The following ATXN1 variants were observed in gnomAD, a reference collection of about 807,000 sequenced individuals.
ATXN1 encodes the protein ataxin-1.
A neutral mutation model predicts 56.4 loss-of-function variants in ATXN1; 8 were observed. That is an observed-to-expected ratio of 0.14 (90% CI 0.08 to 0.26). The LOEUF (loss-of-function observed/expected upper bound fraction) is 0.26. Ranked by LOEUF, ATXN1 falls within the 10% of genes least tolerant of loss-of-function variation. ATXN1 has a pLI of 1.00. For missense variants in ATXN1, 987 were observed against 1,106.5 expected (o/e 0.89, Z 1.53); for synonymous variants, 514 against 494.6 (o/e 1.04, Z -0.52).
chr6:16,400,148 T>A (rs1216863802), intron 6 of ATXN1, among the ~76,000 whole-genome samples: 1 of 152,190 alleles, frequency 6.6e-6, no homozygotes, highest in Admixed American at 6.5e-5. Context: ...CTCTCACCTA[T>A]CCTTAGGTCT....
intron 2 of ATXN1, among the ~76,000 whole-genome samples, chr6:16,710,020 A>C (rs896112792): frequency 6.6e-6 from 1 of 152,182 alleles, no homozygotes; most frequent in East Asian, 1.9e-4. Context: ...AAAACAAACA[A>C]ACACAAATTC....
chr6:16,692,154 G>T (rs1219027365), intron 2 of ATXN1, among the ~76,000 whole-genome samples: 2 of 152,218 alleles, frequency 1.3e-5, no homozygotes, highest in East Asian at 3.9e-4. Flanking sequence ...TACTCAGGAG[G>T]CTGAGACAGT....
At chr6:16,578,390 C>T (rs368327789) in intron 4 of ATXN1, among the ~76,000 whole-genome samples, 27 of 152,346 alleles carry the variant, frequency 1.8e-4, no homozygotes, top group Admixed American at 9.8e-4. Flanking sequence ...ACGACTTCCA[C>T]GCTCATATCC....
intron 2 of ATXN1, among the ~76,000 whole-genome samples, chr6:16,687,805 A>G (rs1758950956): frequency 6.6e-6 from 1 of 152,146 alleles, no homozygotes; most frequent in African/African-American, 2.4e-5. Context: ...CCTTTATCAT[A>G]CCTAACTTTA....
At chr6:16,530,676 A>T (rs1761486626) in intron 4 of ATXN1, among the ~76,000 whole-genome samples, 1 of 152,202 alleles carries the variant, frequency 6.6e-6, no homozygotes, top group African/African-American at 2.4e-5. Flanking sequence ...CTGGTGACAA[A>T]ATAATCTGTA....
intron 4 of ATXN1, among the ~76,000 whole-genome samples, chr6:16,557,340 A>C (rs945529906): frequency 1.3e-5 from 2 of 151,716 alleles, no homozygotes; most frequent in South Asian, 2.1e-4. Flanking sequence ...AAAAAAAAAA[A>C]AAAAAACAAA....
intron 4 of ATXN1, among the ~76,000 whole-genome samples, chr6:16,561,602 A>C (rs1156334493): frequency 6.6e-6 from 1 of 152,246 alleles, no homozygotes; most frequent in Non-Finnish European, 1.5e-5. Flanking sequence ...TCAACAAATA[A>C]TTTGAAAACC....
chr6:16,571,013 G>A (rs956147128), intron 4 of ATXN1, among the ~76,000 whole-genome samples: 3 of 152,126 alleles, frequency 2.0e-5, no homozygotes, highest in African/African-American at 7.2e-5. Context: ...GACAAAGCAT[G>A]GCCTGATTTC....
chr6:16,576,135 C>T (rs1275613462), intron 4 of ATXN1, among the ~76,000 whole-genome samples: 2 of 151,974 alleles, frequency 1.3e-5, no homozygotes, highest in Non-Finnish European at 2.9e-5. Context: ...TTGTCTTAAT[C>T]CAGTCTTCAA....
At chr6:16,352,395 G>C (rs897668867) in intron 6 of ATXN1, among the ~76,000 whole-genome samples, 1 of 152,138 alleles carries the variant, frequency 6.6e-6, no homozygotes, top group Non-Finnish European at 1.5e-5. Context: ...AGATGGGTGG[G>C]TTTTGTTTTC....
chr6:16,305,134 A>C lies in ATXN1; in HGVS notation c.*1195T>G, dbSNP rs1166415188. The C allele has an allele frequency of 6.5e-6, 1 of 152,672 alleles. No homozygotes were observed. Among genetic ancestry groups the C allele is most frequent in the East Asian group, 1.9e-4 (1 of 5,204 alleles). The allele number at this position is 152,672 out of a possible 1,614,324, so 9.5% of individuals were successfully genotyped here. A position where few individuals can be genotyped will look rare whatever the true frequency, so the allele number is the denominator to read the frequency against. On this transcript the variant is annotated 3_prime_UTR_variant, in exon 8 of 8. Transcript: ENST00000436367. ...TTTTGTTTTTGTTTTTTCCCCAAAG[A>C]GTTTAAAGTGAGATACAGTACTTGT...
chr6:16,682,068 T>A (rs903642911), intron 2 of ATXN1, among the ~76,000 whole-genome samples: 1 of 152,102 alleles, frequency 6.6e-6, no homozygotes, highest in Admixed American at 6.5e-5. Context: ...CCTGCCAACA[T>A]CTGTATCTGA....
chr6:16,500,344 T>C (rs1314967069), intron 5 of ATXN1, among the ~76,000 whole-genome samples: 1 of 152,270 alleles, frequency 6.6e-6, no homozygotes, highest in East Asian at 1.9e-4. Context: ...TTTAATACAA[T>C]TGTTTCAACC....
At chr6:16,376,702 T>C (rs1460133501) in intron 6 of ATXN1, among the ~76,000 whole-genome samples, 1 of 152,244 alleles carries the variant, frequency 6.6e-6, no homozygotes, top group Non-Finnish European at 1.5e-5. Context: ...AATACAAAAA[T>C]AAATGTCTTA....
chr6:16,554,754 A>G (rs1334548541), intron 4 of ATXN1, among the ~76,000 whole-genome samples: 1 of 151,946 alleles, frequency 6.6e-6, no homozygotes, highest in Non-Finnish European at 1.5e-5. Flanking sequence ...ACGCCCGGCT[A>G]ATTTTTTTGT....
intron 3 of ATXN1, among the ~76,000 whole-genome samples, chr6:16,612,074 C>T (rs1176492130): frequency 2.6e-5 from 4 of 151,692 alleles, no homozygotes; most frequent in East Asian, 1.9e-4. Context: ...TTAGTCAGGA[C>T]GGTCTCGATC....
chr6:16,634,753 T>G (rs911876642), intron 3 of ATXN1, among the ~76,000 whole-genome samples: 11 of 152,220 alleles, frequency 7.2e-5, no homozygotes, highest in African/African-American at 2.7e-4. Flanking sequence ...ACTGGTTGTT[T>G]TTTTCCTGAT....
rs1464597848 is a variant in ATXN1, at chr6:16,730,499, A to ATATATATG, written c.-615+22733_-615+22734insCATATATA. Among the ~76,000 whole-genome samples, 12 of 147,098 alleles carry ATATATATG rather than the reference A, an allele frequency of 8.2e-5. No individual in the cohort carries two copies. In the East Asian group the frequency reaches 2.0e-3, roughly 24 times the overall value. ...GGTAAAACAGTATGTATATATATAT[A>ATATATATG]TATATATAAATGTATTTATACATAT... On this transcript the variant is annotated intron_variant, in intron 2 of 7. Coordinates refer to ENST00000436367, the MANE Select transcript of ATXN1 (RefSeq NM_001128164.2).
At chr6:16,620,222 T>C (rs1472841580) in intron 3 of ATXN1, among the ~76,000 whole-genome samples, 2 of 151,262 alleles carry the variant, frequency 1.3e-5, no homozygotes, top group Non-Finnish European at 2.9e-5. Context: ...AAATGTTAAA[T>C]ATTCACATAC....
Sources: gnomAD v4.1 joint callset for allele counts (sites outside exome capture counted in the v4.1 genomes callset) on GRCh38, gnomAD v4.1.1 for gene constraint, MANE v1.5 for transcripts, NCBI Gene and HGNC (gene_info 2026-07-23, HGNC 2026-07-21) for gene names.